Variants in UBE2E2 observed in about 807,000 individuals in gnomAD.
The protein encoded by UBE2E2 is ubiquitin conjugating enzyme E2 E2, also known as ubiquitin-conjugating enzyme E2 E2.
A neutral mutation model predicts 24.7 loss-of-function variants in UBE2E2; 6 were observed. The observed-to-expected ratio is 0.24, with a 90% CI of 0.13 to 0.48. UBE2E2 has a LOEUF of 0.48. Ranked by LOEUF, UBE2E2 falls within the 20% of genes least tolerant of loss-of-function variation. The probability of loss-of-function intolerance (pLI) is 0.99; values close to 1 mark genes in which losing one functional copy is unlikely to be tolerated. For missense variants in UBE2E2, 169 were observed against 245.0 expected, an observed-to-expected ratio of 0.69 and a Z score of 2.07; for synonymous variants, 104 against 83.6, an observed-to-expected ratio of 1.24 and a Z score of -1.33.
chr3:23,487,615 A>T (rs916848811), intron 3 of UBE2E2, among the ~76,000 whole-genome samples: 1 of 152,190 alleles, frequency 6.6e-6, no homozygotes, highest in African/African-American at 2.4e-5. Flanking sequence ...AATTCATTTG[A>T]TGCTCACATC....
intron 3 of UBE2E2, among the ~76,000 whole-genome samples, chr3:23,480,783 GT>G (rs1039122257): frequency 4.6e-5 from 7 of 152,294 alleles, no homozygotes; most frequent in African/African-American, 1.7e-4. Context: ...TGACAAAATG[GT>G]TTTTTGAACA....
intron 3 of UBE2E2, among the ~76,000 whole-genome samples, chr3:23,490,316 T>C (rs907443216): frequency 6.6e-6 from 1 of 152,244 alleles, no homozygotes; most frequent in African/African-American, 2.4e-5. Flanking sequence ...TAAGAGATAC[T>C]TAACCTGTAA....
intron 3 of UBE2E2, among the ~76,000 whole-genome samples, chr3:23,487,363 G>C (rs1159065883): frequency 6.6e-6 from 1 of 152,180 alleles, no homozygotes; most frequent in Non-Finnish European, 1.5e-5. Flanking sequence ...GGCAGCTGCA[G>C]CTGCGCCTAG....
intron 3 of UBE2E2, among the ~76,000 whole-genome samples, chr3:23,453,057 A>T (rs1166225664): frequency 4.6e-5 from 7 of 152,186 alleles, no homozygotes; most frequent in African/African-American, 1.7e-4. Context: ...CTTCAAAGTA[A>T]ATGATAGGTA....
chr3:23,354,019 G>A (rs1031387819), intron 3 of UBE2E2, among the ~76,000 whole-genome samples: 3 of 152,256 alleles, frequency 2.0e-5, no homozygotes, highest in East Asian at 3.9e-4. Context: ...AAGCAGCATG[G>A]TACTGGTACC....
At chr3:23,395,973 A>T (rs778488) in intron 3 of UBE2E2, among the ~76,000 whole-genome samples, 101,483 of 151,972 alleles carry the variant, frequency 0.67, 35,799 homozygotes, top group African/African-American at 0.91. Flanking sequence ...TTAATTATCC[A>T]AATTTTATTA....
chr3:23,502,870 C>A (rs1699754183), intron 4 of UBE2E2, among the ~76,000 whole-genome samples: 1 of 152,160 alleles, frequency 6.6e-6, no homozygotes, highest in Admixed American at 6.5e-5. Context: ...GTAGGTAAGG[C>A]ATTTTACATA....
At chr3:23,338,365 A>G (rs1233314952) in intron 3 of UBE2E2, among the ~76,000 whole-genome samples, 3 of 152,226 alleles carry the variant, frequency 2.0e-5, no homozygotes, top group Non-Finnish European at 2.9e-5. Context: ...AGGGGAATCT[A>G]TAATGAACCT....
chr3:23,544,027 T>C (rs992718210), intron 5 of UBE2E2, among the ~76,000 whole-genome samples: 1 of 152,208 alleles, frequency 6.6e-6, no homozygotes, highest in Admixed American at 6.5e-5. Flanking sequence ...AGAATGAAAC[T>C]TGATTCCTGT....
At position 23,590,579 on chromosome 3, in the gene UBE2E2, C is replaced by G. The variant is rs1696738580; in HGVS notation, c.*748C>G. ...AATAAATCACTGTGGCTGATAACTG[C>G]ACTTCTGGTAACCCGACATTTGCTT... On this transcript the variant is annotated 3_prime_UTR_variant, in exon 6 of 6. Transcript: ENST00000396703. The G allele has an allele frequency of 1.3e-5, 2 of 152,646 alleles. No homozygotes were observed. The highest frequency in any genetic ancestry group is 2.9e-5 in the Non-Finnish European group (2 of 68,044). 9.5% of individuals were successfully genotyped at this position (152,646 alleles called of 1,614,324 possible).
At chr3:23,564,476 A>G (rs1234830249) in intron 5 of UBE2E2, among the ~76,000 whole-genome samples, 4 of 152,106 alleles carry the variant, frequency 2.6e-5, no homozygotes, top group African/African-American at 4.8e-5. Context: ...CCCAAATCCA[A>G]TCTCCAAAAA....
intron 3 of UBE2E2, among the ~76,000 whole-genome samples, chr3:23,270,041 C>T (rs1001075329): frequency 3.3e-5 from 5 of 151,988 alleles, no homozygotes; most frequent in Admixed American, 6.6e-5. Context: ...GTGCAGGCCC[C>T]GAGTAGCTCA....
chr3:23,269,752 G>A (rs1419384360), intron 3 of UBE2E2, among the ~76,000 whole-genome samples: 1 of 152,164 alleles, frequency 6.6e-6, no homozygotes, highest in Non-Finnish European at 1.5e-5. Flanking sequence ...CTCTTCATGG[G>A]TAGAGTGCAG....
chr3:23,380,365 A>G (rs555503407), intron 3 of UBE2E2, among the ~76,000 whole-genome samples: 16 of 152,310 alleles, frequency 1.1e-4, no homozygotes, highest in African/African-American at 3.8e-4. Context: ...TGCCGTGACT[A>G]CAGGCGTGTG....
intron 3 of UBE2E2, among the ~76,000 whole-genome samples, chr3:23,367,505 C>T (rs549563604): frequency 6.6e-6 from 1 of 152,304 alleles, no homozygotes; most frequent in South Asian, 2.1e-4. Flanking sequence ...TGGAGAACTG[C>T]TTGATGACTG....
chr3:23,493,971 G>C (rs1699552360), intron 3 of UBE2E2, among the ~76,000 whole-genome samples: 1 of 152,164 alleles, frequency 6.6e-6, no homozygotes, highest in Non-Finnish European at 1.5e-5. Flanking sequence ...CAAGATTTGT[G>C]CTATAATGAT....
At chr3:23,414,538 G>T (rs776388335) in intron 3 of UBE2E2, among the ~76,000 whole-genome samples, 1 of 152,204 alleles carries the variant, frequency 6.6e-6, no homozygotes, top group Non-Finnish European at 1.5e-5. Context: ...ATGAGATTTG[G>T]GTGGGGACAC....
At chr3:23,572,817 G>A (rs955178835) in intron 5 of UBE2E2, among the ~76,000 whole-genome samples, 4 of 152,132 alleles carry the variant, frequency 2.6e-5, no homozygotes, top group Non-Finnish European at 4.4e-5. Flanking sequence ...TCATCCCTCT[G>A]CTTTTGTGAA....
At chr3:23,382,441 G>A (rs770693757) in intron 3 of UBE2E2, among the ~76,000 whole-genome samples, 5 of 151,950 alleles carry the variant, frequency 3.3e-5, no homozygotes, top group African/African-American at 4.8e-5. Flanking sequence ...CTCAGCCTCC[G>A]AAAGTGCTAG....
Sources: allele counts gnomAD v4.1 joint callset (sites outside exome capture counted in the v4.1 genomes callset), GRCh38; gene constraint gnomAD v4.1.1; transcripts MANE v1.5; gene names NCBI Gene and HGNC (gene_info 2026-07-23, HGNC 2026-07-21).